Variants in SNX29 observed in about 807,000 individuals in gnomAD.
The protein encoded by SNX29 is sorting nexin-29.
Under a neutral mutation model 102.1 loss-of-function variants are expected in SNX29, and 78 were observed. That is an observed-to-expected ratio of 0.76 (90% CI 0.64 to 0.92). The LOEUF (loss-of-function observed/expected upper bound fraction) is 0.92, where lower values mean the gene tolerates loss of function less well. Ranked by LOEUF, SNX29 falls within the 40% of genes least tolerant of loss-of-function variation. SNX29 has a pLI of 0.00. For missense variants in SNX29, 1,280 were observed against 1,061.7 expected, an observed-to-expected ratio of 1.21 and a Z score of -2.86; for synonymous variants, 580 against 414.5, an observed-to-expected ratio of 1.40 and a Z score of -4.85.
Position 12,523,812 on chromosome 16 carries a change from C to A in SNX29, c.2179-890C>A, listed in dbSNP as rs533045242. On this transcript the variant is annotated intron_variant, in intron 19 of 20. Coordinates refer to ENST00000566228, the MANE Select transcript of SNX29 (RefSeq NM_032167.5). Reference sequence around the variant, plus strand: ...GCTCAGACCTGGGGACCTGTGCCTGCCTTCTGGGGCCACGCTGCACAGCCC... The same window carrying A: ...GCTCAGACCTGGGGACCTGTGCCTGACTTCTGGGGCCACGCTGCACAGCCC... Among the ~76,000 whole-genome samples the A allele has an allele frequency of 1.2e-4, 18 of 152,314 alleles. 1 individual carries two copies. Among genetic ancestry groups the A allele is most frequent in the Middle Eastern group, 6.8e-3 (2 of 294 alleles).
At chr16:11,984,762 C>T (rs912913332) in intron 1 of SNX29, among the ~76,000 whole-genome samples, 1 of 151,994 alleles carries the variant, frequency 6.6e-6, no homozygotes, top group Non-Finnish European at 1.5e-5. Flanking sequence ...GCTCAAATGA[C>T]CCTCCCACCT....
At chr16:12,099,976 G>A (rs563032685) in intron 11 of SNX29, among the ~76,000 whole-genome samples, 1 of 147,436 alleles carries the variant, frequency 6.8e-6, no homozygotes, top group African/African-American at 2.7e-5. Context: ...GATTTCCCCT[G>A]TCTAGTCCTT....
At chr16:12,504,861 G>A (rs957224322) in intron 19 of SNX29, among the ~76,000 whole-genome samples, 1 of 152,182 alleles carries the variant, frequency 6.6e-6, no homozygotes, top group Non-Finnish European at 1.5e-5. Flanking sequence ...GGATAAGCGG[G>A]ACCACTGTAC....
At chr16:12,224,910 C>G (rs1028229512) in intron 14 of SNX29, among the ~76,000 whole-genome samples, 10 of 152,172 alleles carry the variant, frequency 6.6e-5, no homozygotes, top group African/African-American at 9.7e-5. Context: ...AGGGCCAGCT[C>G]AGAACCAAAC....
intron 20 of SNX29, among the ~76,000 whole-genome samples, chr16:12,549,675 C>A (rs147234899): frequency 1.1e-4 from 16 of 152,314 alleles, no homozygotes; most frequent in African/African-American, 3.1e-4. Flanking sequence ...GTCCCAAGGC[C>A]CGGCATCTTG....
chr16:12,559,750 C>A (rs1291408025), intron 20 of SNX29, among the ~76,000 whole-genome samples: 1 of 152,236 alleles, frequency 6.6e-6, no homozygotes, highest in East Asian at 1.9e-4. Flanking sequence ...TGATGCCCAG[C>A]CTGACAGCAG....
chr16:12,463,460 G>A (rs1232428002), intron 18 of SNX29, among the ~76,000 whole-genome samples: 1 of 152,156 alleles, frequency 6.6e-6, no homozygotes, highest in South Asian at 2.1e-4. Flanking sequence ...ATGGCGGCAG[G>A]CAAAGAAAGC....
Position 12,023,599 on chromosome 16 carries a change from A to C in SNX29, c.123-3721A>C, listed in dbSNP as rs967400475. On this transcript the variant is annotated intron_variant, in intron 3 of 20. Transcript: ENST00000566228. ...TCTCAAAAAAAAAAAAGAAAAGAAA[A>C]GAAAAGAAAAGAAAGAACTCTACTA... Among the ~76,000 whole-genome samples the C allele has an allele frequency of 7.2e-5, 11 of 151,802 alleles. No individual in the cohort carries two copies. The East Asian group carries it at 2.1e-3, about 29-fold the overall frequency.
intron 14 of SNX29, among the ~76,000 whole-genome samples, chr16:12,240,300 A>G (rs76776815): frequency 0.039 from 5,948 of 152,292 alleles, 416 homozygotes; most frequent in African/African-American, 0.14. Flanking sequence ...CCAGAAAAAC[A>G]TGTATTGACG....
intron 3 of SNX29, among the ~76,000 whole-genome samples, chr16:12,024,014 GAGCAGGC>G (rs2057113321): frequency 6.6e-6 from 1 of 152,202 alleles, no homozygotes; most frequent in African/African-American, 2.4e-5. Context: ...CAGTTAGCAA[GAGCAGGC>G]AGCCCTGGAA....
chr16:12,346,115 T>G (rs1258201581), intron 15 of SNX29, among the ~76,000 whole-genome samples: 2 of 150,872 alleles, frequency 1.3e-5, no homozygotes, highest in Non-Finnish European at 2.9e-5. Flanking sequence ...GATCCTGGGT[T>G]TTAGAAAGAT....
Position 12,348,428 on chromosome 16 carries a change from G to A in SNX29, c.1783-7735G>A, listed in dbSNP as rs186550492. 3.9e-5 allele frequency among the ~76,000 whole-genome samples: 6 copies of A among 152,316 alleles called. No individual in the cohort carries two copies. The East Asian group carries it at 1.2e-3, about 29-fold the overall frequency. On this transcript the variant is annotated intron_variant, in intron 15 of 20. Coordinates refer to ENST00000566228, the MANE Select transcript of SNX29 (RefSeq NM_032167.5). ...CTAGGTGCCCCTTCCCTTACTGCTA[G>A]GGTCCCCCTGAGGGGGATGTGGGAG...
chr16:12,278,574 A>G (rs189005488), intron 15 of SNX29, among the ~76,000 whole-genome samples: 262 of 152,342 alleles, frequency 1.7e-3, no homozygotes, highest in African/African-American at 5.7e-3. Context: ...GGTGATTTCT[A>G]GGAAACTCTT....
intron 1 of SNX29, among the ~76,000 whole-genome samples, chr16:11,984,160 C>T (rs917062086): frequency 6.6e-6 from 1 of 151,992 alleles, no homozygotes; most frequent in East Asian, 1.9e-4. Context: ...TGAGACCAGC[C>T]TGGGCAACAT....
At chr16:12,528,362 A>C (rs571019100) in intron 20 of SNX29, among the ~76,000 whole-genome samples, 5 of 151,570 alleles carry the variant, frequency 3.3e-5, no homozygotes, top group African/African-American at 1.2e-4. Context: ...ACGCTCAGCT[A>C]ATTTTTGTAT....
At chr16:12,421,907 C>T (rs796779673) in intron 18 of SNX29, among the ~76,000 whole-genome samples, 6 of 71,362 alleles carry the variant, frequency 8.4e-5, no homozygotes, top group Non-Finnish European at 1.9e-4. Flanking sequence ...ATCACCATCA[C>T]CAGCCGTCCA....
intron 15 of SNX29, among the ~76,000 whole-genome samples, chr16:12,353,867 G>A (rs1191817304): frequency 6.6e-6 from 1 of 152,208 alleles, no homozygotes; most frequent in Non-Finnish European, 1.5e-5. Flanking sequence ...AACATTAGAT[G>A]TTACTTTGGG....
intron 16 of SNX29, among the ~76,000 whole-genome samples, chr16:12,360,912 G>C (rs2082282428): frequency 6.6e-6 from 1 of 152,168 alleles, no homozygotes. Context: ...ATGTAATAGA[G>C]CCTGGATTCA....
chr16:12,360,693 G>C (rs1429083062), intron 16 of SNX29, among the ~76,000 whole-genome samples: 2 of 150,550 alleles, frequency 1.3e-5, no homozygotes, highest in East Asian at 3.9e-4. Context: ...GTCCCTGACT[G>C]AGTTTGCTTC....
Sources: gnomAD v4.1 joint callset for allele counts (sites outside exome capture counted in the v4.1 genomes callset) on GRCh38, gnomAD v4.1.1 for gene constraint, MANE v1.5 for transcripts, NCBI Gene and HGNC (gene_info 2026-07-23, HGNC 2026-07-21) for gene names.